The following CCDC40 variants were observed in gnomAD, a reference collection of about 807,000 sequenced individuals.
The protein encoded by CCDC40 is coiled-coil domain 40 molecular ruler complex subunit.
A neutral mutation model predicts 124.5 loss-of-function variants in CCDC40; 104 were observed. That is an observed-to-expected ratio of 0.84 (90% CI 0.71 to 0.98). The LOEUF is 0.98. Among genes scored for constraint, CCDC40 ranks in the 50% least tolerant of loss-of-function variants. CCDC40 has a pLI of 0.00. For synonymous variants in CCDC40, 580 were observed against 602.9 expected (o/e 0.96, Z 0.56); for missense variants, 1,463 against 1,503.9 (o/e 0.97, Z 0.45).
intron 4 of CCDC40, among the ~76,000 whole-genome samples, chr17:80,048,000 G>T (rs1277413571): frequency 6.6e-6 from 1 of 152,230 alleles, no homozygotes. Context: ...GCCGGGCGCG[G>T]TGGCTCACGC....
chr17:80,064,567 G>T (rs1290451662), intron 9 of CCDC40, among the ~76,000 whole-genome samples: 1 of 152,112 alleles, frequency 6.6e-6, no homozygotes, highest in African/African-American at 2.4e-5. Flanking sequence ...AGGCACAGCG[G>T]GTGAGATTCA....
intron 10 of CCDC40, among the ~76,000 whole-genome samples, chr17:80,078,208 G>C (rs1297357315): frequency 6.6e-6 from 1 of 151,768 alleles, no homozygotes; most frequent in Non-Finnish European, 1.5e-5. Context: ...GCGGGCGCCT[G>C]TAGTCCCAGC....
At chr17:80,065,722 T>C in intron 10 of CCDC40, 116 bp downstream of exon 10, 1 of 1,388,056 alleles carries the variant, frequency 7.2e-7, no homozygotes, top group East Asian at 2.3e-5. Context: ...GGGTGCACCT[T>C]GATCCCCGGG....
At chr17:80,089,409 G>A (rs2038654277) in intron 16 of CCDC40, among the ~76,000 whole-genome samples, 1 of 152,200 alleles carries the variant, frequency 6.6e-6, no homozygotes, top group Non-Finnish European at 1.5e-5. Context: ...CATTTAAATA[G>A]CTTTTAGACT....
intron 16 of CCDC40, among the ~76,000 whole-genome samples, chr17:80,088,583 G>T (rs1404732066): frequency 1.3e-5 from 2 of 152,222 alleles, no homozygotes; most frequent in Non-Finnish European, 2.9e-5. Flanking sequence ...AAGGCAGGAG[G>T]CTCCTTTGGG....
rs771128827 is a variant in CCDC40, at chr17:80,065,529, C to A, written c.1485C>A (p.Ile495=). 3.1e-6 allele frequency: 5 copies of A among 1,613,144 alleles called. 1 individual carries two copies. Among genetic ancestry groups the A allele is most frequent in the African/African-American group, 2.7e-5 (2 of 75,052 alleles). The stretch of plus-strand genomic sequence containing the variant: ...CCATCAGCGTGGAGAAGAGGCGCAT[C>A]ATGCAGCAATGGGCCAGCAGCCTGG... ...IDAISVEKRR[I]MQQWASSLVG... is the part of the protein sequence containing the mutation. Residue 495 remains isoleucine, a synonymous_variant, in exon 10 of 20, where the codon ATC becomes ATA. Coordinates refer to ENST00000397545, the MANE Select transcript of CCDC40 (RefSeq NM_017950.4).
Position 80,086,968 on chromosome 17 carries a change from G to C in CCDC40, c.2450-639G>C, listed in dbSNP as rs1019777314. On this transcript the variant is annotated intron_variant, in intron 14 of 19. Transcript: ENST00000397545. The surrounding 1 kb of genome is among the most constrained non-coding windows in gnomAD (Gnocchi z 5.5). ...TCGGTGTCCCAAGGCAAGAGCTGCC[G>C]AAATACCATGCTGTGAGATGGGGAG... 2 of 166,580 alleles carry C rather than the reference G, an allele frequency of 1.2e-5. No individual in the cohort carries two copies. Among genetic ancestry groups the C allele is most frequent in the Non-Finnish European group, 2.7e-5 (2 of 75,184 alleles). The allele number at this position is 166,580 out of a possible 1,614,324, so 10.3% of individuals were successfully genotyped here.
intron 9 of CCDC40, among the ~76,000 whole-genome samples, chr17:80,063,759 C>T (rs10083894): frequency 0.077 from 11,790 of 152,286 alleles, 1,473 homozygotes; most frequent in African/African-American, 0.26. Context: ...CTTGACCTCC[C>T]AAAGTGCTGG....
chr17:80,095,468 A>G lies in CCDC40; in HGVS notation c.3021+17A>G. The G allele has an allele frequency of 6.2e-7, 1 of 1,612,744 alleles. No individual in the cohort carries two copies. ...GTTCGCAAGGTAGGGAGCAGCGGAA[A>G]GGAAACAGGGCGCCTGCTCCTCTCT... On this transcript the variant is annotated intron_variant, in intron 18 of 19. Transcript: ENST00000397545.
chr17:80,058,524 T>C lies in CCDC40; in HGVS notation c.1190T>C (p.Leu397Ser). The C allele has an allele frequency of 6.2e-7, 1 of 1,614,096 alleles. No individual in the cohort carries two copies. The highest frequency in any genetic ancestry group is 8.5e-7 in the Non-Finnish European group (1 of 1,179,958). The change falls in exon 8 of 20, where the codon TTG becomes TCG. Residue 397 changes from leucine (L) to serine (S), a missense_variant. Leu to Ser is a moderately radical substitution (Grantham distance 145). Coordinates refer to ENST00000397545, the MANE Select transcript of CCDC40 (RefSeq NM_017950.4). The surrounding 1 kb of genome is among the most constrained non-coding windows in gnomAD (Gnocchi z 4.2). Reference protein sequence around the residue: ...LAALQTEMENLALHLFYMQNI... With the variant: ...LAALQTEMENSALHLFYMQNI... ...GCTCTGCAGACTGAGATGGAGAACT[T>C]GGCCCTGCATCTCTTCTACATGCAG...
Position 80,087,762 on chromosome 17 carries a change from G to C in CCDC40, c.2605G>C (p.Val869Leu), listed in dbSNP as rs749295941. Residue 869 changes from valine to leucine, a missense_variant, in exon 15 of 20, where the codon GTG (valine) becomes CTG (leucine). By Grantham distance (32) the Val-to-Leu change is conservative (BLOSUM62 1). Coordinates refer to ENST00000397545, the MANE Select transcript of CCDC40 (RefSeq NM_017950.4). This position sits in a 1 kb window ranked among gnomAD's most constrained non-coding sequence, Gnocchi z 4.5. ...QNNRVTENEF[V>L]RSLKASERET... ...CAACCGGGTGACAGAGAATGAGTTC[G>C]TGCGCTCGCTGAAGGTCCGGCCGTG... 3.7e-6 allele frequency: 6 copies of C among 1,614,088 alleles called. No individual in the cohort carries two copies. The highest frequency in any genetic ancestry group is 5.1e-6 in the Non-Finnish European group (6 of 1,179,976).
intron 9 of CCDC40, among the ~76,000 whole-genome samples, chr17:80,062,960 G>T (rs995143630): frequency 6.6e-6 from 1 of 152,108 alleles, no homozygotes; most frequent in Non-Finnish European, 1.5e-5. Context: ...TTGTGAGACC[G>T]AGGTCGGCAG....
At chr17:80,052,395 T>C (rs2037624400) in intron 7 of CCDC40, among the ~76,000 whole-genome samples, 1 of 152,180 alleles carries the variant, frequency 6.6e-6, no homozygotes, top group East Asian at 1.9e-4. Context: ...TTTTTCTGCC[T>C]GCTTACACTC....
At position 80,100,105 on chromosome 17, in the gene CCDC40, T is replaced by C. The variant is rs929043697; in HGVS notation, c.*330T>C. On this transcript the variant is annotated 3_prime_UTR_variant, in exon 20 of 20. Coordinates refer to ENST00000397545, the MANE Select transcript of CCDC40 (RefSeq NM_017950.4). Reference sequence around the variant, plus strand: ...GCACTCCCAAATCTGCACGTGCCTCTCACAACACAACGCTGCCACAGGTCC... The same window carrying C: ...GCACTCCCAAATCTGCACGTGCCTCCCACAACACAACGCTGCCACAGGTCC... 5.2e-6 allele frequency: 2 copies of C among 381,028 alleles called. No individual in the cohort carries two copies. The highest frequency in any genetic ancestry group is 1.0e-5 in the Non-Finnish European group (2 of 200,196). 23.6% of individuals were successfully genotyped at this position (381,028 alleles called of 1,614,324 possible). A position where few individuals can be genotyped will look rare whatever the true frequency, so the allele number is the denominator to read the frequency against.
intron 7 of CCDC40, among the ~76,000 whole-genome samples, chr17:80,053,588 TTTTGTTTGTTTG>T (rs531177141): frequency 6.6e-6 from 1 of 152,084 alleles, no homozygotes. Context: ...TTTTTGTGTT[TTTTGTTTGTTTG>T]TTTGTTTGTT....
At chr17:80,067,228 G>A in intron 10 of CCDC40, 2 of 381,032 alleles carry the variant, frequency 5.2e-6, no homozygotes, top group South Asian at 3.5e-5. Context: ...TGTCCTCTCT[G>A]CAAACCGTCC....
In CCDC40 at chr17:80,041,246, G is replaced by A. The variant is rs137878012; in HGVS notation, c.552+976G>A. On this transcript the variant is annotated intron_variant, in intron 3 of 19. Transcript: ENST00000397545. ...AATTGGGTCGGGCATGGTGGTGCAC[G>A]CCTGTAATCCCAGCACTTCGGGAGG... Among the ~76,000 whole-genome samples, 163 of 152,106 alleles carry A rather than the reference G, an allele frequency of 1.1e-3. 5 individuals are homozygous for A. In the East Asian group the frequency reaches 0.028, roughly 26 times the overall value.
At chr17:80,050,509 T>C (rs1343919988) in intron 7 of CCDC40, among the ~76,000 whole-genome samples, 1 of 152,220 alleles carries the variant, frequency 6.6e-6, no homozygotes, top group Admixed American at 6.5e-5. Flanking sequence ...AATGGCGCGA[T>C]CTTGGCTCAC....
At chr17:80,091,885 C>A (rs1370210173) in intron 17 of CCDC40, among the ~76,000 whole-genome samples, 2 of 151,924 alleles carry the variant, frequency 1.3e-5, no homozygotes, top group Non-Finnish European at 2.9e-5. Context: ...CACATGGCGG[C>A]AGTCATATCT....
Sources: gnomAD v4.1 joint callset for allele counts (sites outside exome capture counted in the v4.1 genomes callset) on GRCh38, gnomAD v4.1.1 for gene constraint, Gnocchi (gnomAD v3.1) non-coding constraint, MANE v1.5 for transcripts, NCBI Gene and HGNC (gene_info 2026-07-23, HGNC 2026-07-21) for gene names.